The following SDF4 variants were observed in gnomAD, a reference collection of about 807,000 sequenced individuals.
The protein encoded by SDF4 is stromal cell derived factor 4.
In SDF4, 22 loss-of-function variants were observed where a neutral mutation model predicts 34.2. That is an observed-to-expected ratio of 0.64 (90% confidence interval 0.46 to 0.92). SDF4 has a LOEUF of 0.92. SDF4 is among the 40% of genes least tolerant of loss of function. The pLI is 0.00. For missense variants in SDF4, 447 were observed against 499.9 expected, an observed-to-expected ratio of 0.89 and a Z score of 1.01; for synonymous variants, 236 against 203.1, an observed-to-expected ratio of 1.16 and a Z score of -1.38.
At chr1:1,223,630 T>A (rs998832184) in intron 3 of SDF4, among the ~76,000 whole-genome samples, 4 of 152,106 alleles carry the variant, frequency 2.6e-5, no homozygotes, top group Admixed American at 6.5e-5. Flanking sequence ...GCCCAGTGCT[T>A]GGCACACACA....
In SDF4 at chr1:1,217,953, T is replaced by C; in HGVS notation, c.892-265A>G. 1.1e-6 allele frequency: 1 copy of C among 879,648 alleles called. No individual in the cohort carries two copies. The highest frequency in any genetic ancestry group is 1.6e-6 in the Non-Finnish European group (1 of 609,334). 54.5% of individuals were successfully genotyped at this position (879,648 alleles called of 1,614,324 possible). ...CCCCAGTTCTGAAGGATCCCTAACC[T>C]GGGCCGGGCCCACTGGCTGTCGCCA... On this transcript the variant is annotated intron_variant, in intron 6 of 6. Transcript: ENST00000360001. The surrounding 1 kb of genome is among the most constrained non-coding windows in gnomAD (Gnocchi z 8.5).
chr1:1,217,837 G>A lies in SDF4; in HGVS notation c.892-149C>T, dbSNP rs772269223. 48 of 1,535,466 alleles carry A rather than the reference G, an allele frequency of 3.1e-5. No homozygotes were observed. The South Asian group carries it at 5.4e-4, about 17-fold the overall frequency. ...GTTCCCGAAGGGAGGCGGCACAAATGAAAACACAGGGCAGGGAGAAGCCGG... is the reference window on the plus strand; with the variant it reads ...GTTCCCGAAGGGAGGCGGCACAAATAAAAACACAGGGCAGGGAGAAGCCGG... On this transcript the variant is annotated intron_variant, in intron 6 of 6. Transcript: ENST00000360001. The surrounding 1 kb of genome is among the most constrained non-coding windows in gnomAD (Gnocchi z 8.5).
chr1:1,217,401 G>T lies in SDF4; in HGVS notation c.*111C>A. On this transcript the variant is annotated 3_prime_UTR_variant, in exon 7 of 7. Coordinates refer to ENST00000360001, the MANE Select transcript of SDF4 (RefSeq NM_016176.6). The surrounding 1 kb of genome is among the most constrained non-coding windows in gnomAD (Gnocchi z 8.5). The stretch of plus-strand genomic sequence containing the variant: ...CTGGGGCAGCCGCGGTCGGTCGGCC[G>T]GTGGCGGGCGGCAGGGAAGAGGTGG... The T allele has an allele frequency of 1.0e-6, 1 of 973,208 alleles. No individual in the cohort carries two copies. The highest frequency in any genetic ancestry group is 1.3e-6 in the Non-Finnish European group (1 of 747,612). 60.3% of individuals were successfully genotyped at this position (973,208 alleles called of 1,614,324 possible).
In SDF4 at chr1:1,218,920, T is replaced by A. The variant is rs771594486; in HGVS notation, c.564A>T (p.Glu188Asp). 6.2e-7 allele frequency: 1 copy of A among 1,607,068 alleles called. No homozygotes were observed. The highest frequency in any genetic ancestry group is 2.2e-5 in the East Asian group (1 of 44,780). Residue 188 changes from glutamate to aspartate, a missense_variant, in exon 5 of 7, where the codon GAA becomes GAT. Coordinates refer to ENST00000360001, the MANE Select transcript of SDF4 (RefSeq NM_016176.6). This position sits in a 1 kb window ranked among gnomAD's most constrained non-coding sequence, Gnocchi z 7.9. ...AGCGGTCCTTCAGGTTCTCCAGGAC[T>A]TCCTGTGCTGAGAGGGGCGCAGCCT... is the stretch of plus-strand genomic sequence containing the variant. ...EELKVDEETQ[E>D]VLENLKDRWY...
chr1:1,220,605 C>A (rs144738753), intron 4 of SDF4: 5 of 1,288,540 alleles, frequency 3.9e-6, no homozygotes, highest in Non-Finnish European at 5.1e-6. Context: ...CAGGGAACAG[C>A]ACCTCAGCAT....
At chr1:1,220,538 G>C (rs993321769) in intron 4 of SDF4, 2 of 1,235,626 alleles carry the variant, frequency 1.6e-6, no homozygotes, top group African/African-American at 1.6e-5. Flanking sequence ...CAAAGAGGTC[G>C]GGGGGTCCTA....
Position 1,228,821 on chromosome 1 carries a change from T to TGCTGGGAGGGGCAGGGG in SDF4, c.-66_-50dup. 1 of 1,532,874 alleles carries TGCTGGGAGGGGCAGGGG rather than the reference T, an allele frequency of 6.5e-7. No individual in the cohort carries two copies. The allele number at this position is 1,532,874 out of a possible 1,614,324, so 95.0% of individuals were successfully genotyped here. On this transcript the variant is annotated 5_prime_UTR_variant, in exon 2 of 7. Coordinates refer to ENST00000360001, the MANE Select transcript of SDF4 (RefSeq NM_016176.6). Reference sequence around the variant, plus strand: ...GGCGGGCTGCAGGGTGTGGGCCAGGTGCTGGGAGGGGCAGGGGCAGGGGCA... The same window carrying TGCTGGGAGGGGCAGGGG: ...GGCGGGCTGCAGGGTGTGGGCCAGGTGCTGGGAGGGGCAGGGGGCTGGGAGGGGCAGGGGCAGGGGCA...
intron 4 of SDF4, chr1:1,220,448 G>A: frequency 8.4e-7 from 1 of 1,187,872 alleles, no homozygotes; most frequent in Non-Finnish European, 1.1e-6. Flanking sequence ...GGAGGTCGCA[G>A]GAGTGACGCC....
chr1:1,217,428 G>T lies in SDF4; in HGVS notation c.*84C>A. 3 of 1,212,008 alleles carry T rather than the reference G, an allele frequency of 2.5e-6. No homozygotes were observed. The highest frequency in any genetic ancestry group is 3.2e-6 in the Non-Finnish European group (3 of 939,200). 75.1% of individuals were successfully genotyped at this position (1,212,008 alleles called of 1,614,324 possible). A position where few individuals can be genotyped will look rare whatever the true frequency, so the allele number is the denominator to read the frequency against. On this transcript the variant is annotated 3_prime_UTR_variant, in exon 7 of 7. Transcript: ENST00000360001. This position sits in a 1 kb window ranked among gnomAD's most constrained non-coding sequence, Gnocchi z 8.5. ...TGGCGGGCGGCAGGGAAGAGGTGGG[G>T]TCCGGGACAGCCACGGAGCCCGGAG...
rs949505348 is a variant in SDF4, at chr1:1,220,515, G to C, written c.557-1588C>G. On this transcript the variant is annotated intron_variant, in intron 4 of 6. Transcript: ENST00000360001. Reference sequence around the variant, plus strand: ...CCCGGCAGCTGCTCTTCCTGAGCCAGAAACCAAATACCCAAAGAGGTCGGG... The same window carrying C: ...CCCGGCAGCTGCTCTTCCTGAGCCACAAACCAAATACCCAAAGAGGTCGGG... The C allele has an allele frequency of 4.1e-6, 5 of 1,207,250 alleles. No homozygotes were observed. In the African/African-American group the frequency reaches 7.9e-5, roughly 19 times the overall value. 74.8% of individuals were successfully genotyped at this position (1,207,250 alleles called of 1,614,324 possible).
At chr1:1,225,924 G>A (rs1174239791) in intron 2 of SDF4, among the ~76,000 whole-genome samples, 2 of 152,270 alleles carry the variant, frequency 1.3e-5, no homozygotes, top group East Asian at 1.9e-4. Context: ...CACGGCTGCA[G>A]GGCGGTGCAC....
At chr1:1,220,084 A>C (rs1360027231) in intron 4 of SDF4, 3 of 986,476 alleles carry the variant, frequency 3.0e-6, no homozygotes, top group Non-Finnish European at 3.6e-6. Context: ...CGCCCCAGAC[A>C]GGCCGGCCGA....
chr1:1,223,717 C>T, intron 3 of SDF4, 115 bp downstream of exon 3: 1 of 1,036,602 alleles, frequency 9.6e-7, no homozygotes, highest in East Asian at 2.6e-5. Flanking sequence ...CCGGCTGACA[C>T]TTCCCCACCG....
At chr1:1,224,734 G>A (rs938606343) in intron 2 of SDF4, among the ~76,000 whole-genome samples, 2 of 152,162 alleles carry the variant, frequency 1.3e-5, no homozygotes. Context: ...AACATAGGGA[G>A]ACCCCACCTC....
chr1:1,223,786 G>GGGCCCCCCC, intron 3 of SDF4, 46 bp downstream of exon 3: 1 of 585,242 alleles, frequency 1.7e-6, no homozygotes, highest in Non-Finnish European at 2.9e-6. Context: ...CCATGGCCCT[G>GGGCCCCCCC]CCCGCCCCGC....
intron 3 of SDF4, 151 bp from the exon 4 acceptor site, chr1:1,223,508 T>C: frequency 1.5e-6 from 1 of 664,088 alleles, no homozygotes; most frequent in Non-Finnish European, 2.6e-6. Context: ...CCCACACCCG[T>C]TTCCTCACCT....
rs199838343 is a variant in SDF4, at chr1:1,228,695, G to A, written c.78C>T (p.Asp26=). The A allele has an allele frequency of 1.5e-5, 24 of 1,612,964 alleles. No homozygotes were observed. In the African/African-American group the frequency reaches 2.3e-4, roughly 15 times the overall value. ...LWLLGAVLLM[D]ASARPANHSS... is the part of the protein sequence containing the mutation. Reference sequence around the variant, plus strand: ...AGTGGTTGGCAGGCCGTGCAGACGCGTCCATCAGAAGGACTGCCCCCAGGA... The same window carrying A: ...AGTGGTTGGCAGGCCGTGCAGACGCATCCATCAGAAGGACTGCCCCCAGGA... Residue 26 remains aspartate (D), a synonymous_variant, in exon 2 of 7, where the codon GAC becomes GAT. Transcript: ENST00000360001.
At position 1,223,820 on chromosome 1, in the gene SDF4, C is replaced by CCCCCCCCCCACA; in HGVS notation, c.442+11_442+12insTGTGGGGGGGGG. ...GCCCACCGCCCCACCCACCCCGGCC[C>CCCCCCCCCCACA]AGCCACAGTACCGTCCCCGTCAGGG... On this transcript the variant is annotated intron_variant, in intron 3 of 6. Coordinates refer to ENST00000360001, the MANE Select transcript of SDF4 (RefSeq NM_016176.6). The CCCCCCCCCCACA allele has an allele frequency of 1.3e-6, 2 of 1,515,852 alleles. No homozygotes were observed. The highest frequency in any genetic ancestry group is 1.2e-5 in the South Asian group (1 of 86,082). The allele number at this position is 1,515,852 out of a possible 1,614,324, so 93.9% of individuals were successfully genotyped here.
At chr1:1,223,798 CA>C in intron 3 of SDF4, 33 bp downstream of exon 3, 7 of 625,276 alleles carry the variant, frequency 1.1e-5, no homozygotes, top group Admixed American at 5.6e-5. Context: ...CCGCCCCGCC[CA>C]CCGCCCCACC....
Sources: allele counts gnomAD v4.1 joint callset (sites outside exome capture counted in the v4.1 genomes callset), GRCh38; gene constraint gnomAD v4.1.1; non-coding constraint Gnocchi (gnomAD v3.1); transcripts MANE v1.5; gene names NCBI Gene and HGNC (gene_info 2026-07-23, HGNC 2026-07-21).